The following GPHN variants were observed in gnomAD, a reference collection of about 807,000 sequenced individuals.
GPHN encodes gephyrin.
A neutral mutation model predicts 95.5 loss-of-function variants in GPHN; 17 were observed. The ratio of observed to expected loss-of-function variants is 0.18; its 90% CI spans 0.12 to 0.27. GPHN has a LOEUF of 0.27. Ranked by LOEUF, GPHN falls within the 10% of genes least tolerant of loss-of-function variation. GPHN has a pLI of 1.00. For synonymous variants in GPHN, 320 were observed against 322.5 expected (o/e 0.99, Z 0.08); for missense variants, 660 against 978.1 (o/e 0.67, Z 4.34).
the GPHN span, chr14:67,692,275 C>A: frequency 1.4e-6 from 1 of 706,966 alleles, no homozygotes; most frequent in East Asian, 2.7e-5. Flanking sequence ...GAAGATATCC[C>A]TTTGACATAA....
chr14:66,978,134 A>G (rs895745756), intron 9 of GPHN, among the ~76,000 whole-genome samples: 18 of 152,358 alleles, frequency 1.2e-4, no homozygotes, highest in Middle Eastern at 3.4e-3. Context: ...CCGTTATTAC[A>G]ATCATCTGAG....
the GPHN span, among the ~76,000 whole-genome samples, chr14:67,243,907 T>C: frequency 0.15 from 23,507 of 152,204 alleles, 3,438 homozygotes; most frequent in East Asian, 0.42. Context: ...AAAGTGAGGC[T>C]TGCAGGAGTT....
At chr14:67,254,301 G>T in the GPHN span, 1 of 150,352 alleles carries the variant, frequency 6.7e-6, no homozygotes, top group African/African-American at 2.4e-5. Flanking sequence ...TCGCCTTGTT[G>T]AATGAAAAGG....
At chr14:66,574,370 G>A (rs1242909264) in intron 1 of GPHN, among the ~76,000 whole-genome samples, 1 of 151,964 alleles carries the variant, frequency 6.6e-6, no homozygotes, top group East Asian at 1.9e-4. Flanking sequence ...ACAGATTATT[G>A]TATCTATGGT....
At chr14:67,731,597 A>G in the GPHN span, among the ~76,000 whole-genome samples, 7 of 151,940 alleles carry the variant, frequency 4.6e-5, no homozygotes, top group African/African-American at 1.7e-4. Flanking sequence ...AATAAAATAT[A>G]CAGTCATTAA....
chr14:66,514,775 T>C (rs752375490), intron 1 of GPHN, among the ~76,000 whole-genome samples: 2 of 152,158 alleles, frequency 1.3e-5, no homozygotes, highest in Non-Finnish European at 2.9e-5. Context: ...ACTGACTTTG[T>C]CAATAAAATA....
At chr14:67,339,729 A>G in the GPHN span, among the ~76,000 whole-genome samples, 1 of 152,230 alleles carries the variant, frequency 6.6e-6, no homozygotes, top group African/African-American at 2.4e-5. Flanking sequence ...TATTTGTTGA[A>G]TAACAGCTGA....
chr14:66,581,054 A>C (rs2140461475), intron 1 of GPHN, among the ~76,000 whole-genome samples: 1 of 151,980 alleles, frequency 6.6e-6, no homozygotes, highest in African/African-American at 2.4e-5. Flanking sequence ...TAAATTACAA[A>C]AACCATGTGA....
At chr14:67,285,620 G>A in the GPHN span, among the ~76,000 whole-genome samples, 7 of 151,976 alleles carry the variant, frequency 4.6e-5, no homozygotes, top group South Asian at 4.1e-4. Context: ...CAGCCGCCTC[G>A]GTCTCCCAAA....
the GPHN span, chr14:67,360,079 A>G: frequency 7.0e-6 from 3 of 428,238 alleles, no homozygotes; most frequent in Admixed American, 4.2e-5. Flanking sequence ...GTCTTTGGTC[A>G]CAGCGCCATC....
intron 11 of GPHN, among the ~76,000 whole-genome samples, chr14:67,070,327 TTTTATA>T (rs1345032668): frequency 6.3e-5 from 6 of 94,928 alleles, no homozygotes; most frequent in African/African-American, 1.2e-4. Context: ...TTTTAAATAT[TTTTATA>T]TATATATATA....
At chr14:67,385,483 GC>G in the GPHN span, 1 of 149,514 alleles carries the variant, frequency 6.7e-6, no homozygotes, top group Non-Finnish European at 1.5e-5. Flanking sequence ...TCCCATCAAA[GC>G]CTTTTCATTA....
At chr14:66,519,884 G>A (rs2058403049) in intron 1 of GPHN, among the ~76,000 whole-genome samples, 1 of 152,124 alleles carries the variant, frequency 6.6e-6, no homozygotes, top group African/African-American at 2.4e-5. Context: ...TTTTACAGCT[G>A]AAGAAATTGT....
chr14:66,511,456 A>G (rs571076871), intron 1 of GPHN, among the ~76,000 whole-genome samples: 63 of 152,240 alleles, frequency 4.1e-4, no homozygotes, highest in African/African-American at 1.4e-3. Context: ...TATCTATTTT[A>G]CAAAGATAGT....
intron 8 of GPHN, among the ~76,000 whole-genome samples, chr14:66,946,668 G>C (rs2067777340): frequency 6.6e-6 from 1 of 152,096 alleles, no homozygotes; most frequent in African/African-American, 2.4e-5. Context: ...CTCCCAAAGT[G>C]CTCGGATTAC....
chr14:67,538,027 G>A, the GPHN span, among the ~76,000 whole-genome samples: 132 of 152,278 alleles, frequency 8.7e-4, no homozygotes, highest in African/African-American at 2.8e-3. Flanking sequence ...ACAGCTGATC[G>A]TAATTTTAGC....
intron 12 of GPHN, among the ~76,000 whole-genome samples, chr14:67,091,275 A>G (rs1006683169): frequency 1.1e-4 from 16 of 151,956 alleles, no homozygotes; most frequent in African/African-American, 3.6e-4. Context: ...AATGGCTCCT[A>G]TGTTTTTTTC....
the GPHN span, chr14:67,674,622 T>C: frequency 1.6e-6 from 1 of 640,408 alleles, no homozygotes; most frequent in Non-Finnish European, 2.4e-6. Flanking sequence ...ACGAGGCTCT[T>C]CCGGAGCCGC....
At chr14:66,581,900 G>A (rs1343442893) in intron 1 of GPHN, among the ~76,000 whole-genome samples, 1 of 151,938 alleles carries the variant, frequency 6.6e-6, no homozygotes, top group African/African-American at 2.4e-5. Context: ...TAAAGTAAAT[G>A]TTAATAAATC....
Sources: gnomAD v4.1 joint callset for allele counts (sites outside exome capture counted in the v4.1 genomes callset) on GRCh38, gnomAD v4.1.1 for gene constraint, MANE v1.5 for transcripts, NCBI Gene and HGNC (gene_info 2026-07-23, HGNC 2026-07-21) for gene names.